WWOX: variants seen among roughly 807,000 people sequenced by gnomAD.
WWOX encodes the protein WW domain-containing oxidoreductase.
A neutral mutation model predicts 46.2 loss-of-function variants in WWOX; 69 were observed. The ratio of observed to expected loss-of-function variants is 1.49; its 90% CI spans 1.23 to 1.82. WWOX has a LOEUF of 1.82. Among genes scored for constraint, WWOX ranks in the 40% most tolerant of loss-of-function variants. The probability of loss-of-function intolerance (pLI) is 0.00; values close to 1 mark genes in which losing one functional copy is unlikely to be tolerated. For missense variants in WWOX, 919 were observed against 542.6 expected, an observed-to-expected ratio of 1.69 and a Z score of -6.89; for synonymous variants, 359 against 202.6, an observed-to-expected ratio of 1.77 and a Z score of -6.56.
At chr16:78,104,516 C>T (rs1053591705) in intron 1 of WWOX, among the ~76,000 whole-genome samples, 2 of 152,048 alleles carry the variant, frequency 1.3e-5, no homozygotes, top group Admixed American at 6.6e-5. Flanking sequence ...AAAAAATTAA[C>T]AGAAAACACC....
intron 8 of WWOX, among the ~76,000 whole-genome samples, chr16:78,799,465 G>C (rs1445009158): frequency 2.6e-5 from 4 of 152,188 alleles, no homozygotes; most frequent in Non-Finnish European, 5.9e-5. Flanking sequence ...CAGGGATAGA[G>C]TCTCAAAGTT....
Position 78,189,223 on chromosome 16 carries a change from T to C in WWOX, c.516+24934T>C, listed in dbSNP as rs796752713. On this transcript the variant is annotated intron_variant, in intron 5 of 8. Coordinates refer to ENST00000566780, the MANE Select transcript of WWOX (RefSeq NM_016373.4). ...AGAGGTGGCGTGGGCATGGGGCACATTGTGACAAGTTAACAGCAAGATCTT... is the reference window on the plus strand; with the variant it reads ...AGAGGTGGCGTGGGCATGGGGCACACTGTGACAAGTTAACAGCAAGATCTT... Among the ~76,000 whole-genome samples, 3 of 152,278 alleles carry C rather than the reference T, an allele frequency of 2.0e-5. No individual in the cohort carries two copies. In the South Asian group the frequency reaches 6.2e-4, roughly 32 times the overall value.
At chr16:79,040,062 T>G (rs2047941079) in intron 8 of WWOX, among the ~76,000 whole-genome samples, 1 of 152,196 alleles carries the variant, frequency 6.6e-6, no homozygotes, top group African/African-American at 2.4e-5. Context: ...CCTCAGTGTT[T>G]CCATCTATAA....
At chr16:78,938,871 C>G (rs944042607) in intron 8 of WWOX, among the ~76,000 whole-genome samples, 19 of 152,140 alleles carry the variant, frequency 1.2e-4, no homozygotes, top group African/African-American at 4.6e-4. Context: ...GAAGGCTGAG[C>G]TGCCAGGGCC....
intron 8 of WWOX, among the ~76,000 whole-genome samples, chr16:78,607,099 A>G (rs940887670): frequency 1.5e-4 from 23 of 152,268 alleles, no homozygotes; most frequent in Admixed American, 1.4e-3. Flanking sequence ...CAGAAATGGA[A>G]TGATTCAGAT....
intron 8 of WWOX, among the ~76,000 whole-genome samples, chr16:78,772,530 G>C (rs547189084): frequency 6.6e-6 from 1 of 152,184 alleles, no homozygotes; most frequent in Non-Finnish European, 1.5e-5. Flanking sequence ...GATGACTTCT[G>C]GGTTCTGCAG....
At chr16:78,231,987 T>TACTAA (rs1233908466) in intron 5 of WWOX, among the ~76,000 whole-genome samples, 1 of 152,218 alleles carries the variant, frequency 6.6e-6, no homozygotes, top group Admixed American at 6.5e-5. Context: ...TTAAGCCCTT[T>TACTAA]ACTAAGTTCC....
At position 78,107,764 on chromosome 16, in the gene WWOX, G is replaced by T. The variant is rs1243911562; in HGVS notation, c.108-659G>T. Reference sequence around the variant, plus strand: ...ATAGGAGGGTTACTTGAGTCCAGGAGTTCCAGTCCAGCCTGGGCAACATAG... The same window carrying T: ...ATAGGAGGGTTACTTGAGTCCAGGATTTCCAGTCCAGCCTGGGCAACATAG... On this transcript the variant is annotated intron_variant, in intron 1 of 8. Coordinates refer to ENST00000566780, the MANE Select transcript of WWOX (RefSeq NM_016373.4). Among the ~76,000 whole-genome samples the T allele has an allele frequency of 3.3e-5, 5 of 152,130 alleles. No homozygotes were observed. In the East Asian group the frequency reaches 9.6e-4, roughly 29 times the overall value.
At chr16:78,657,140 C>T (rs1400544305) in intron 8 of WWOX, among the ~76,000 whole-genome samples, 1 of 152,176 alleles carries the variant, frequency 6.6e-6, no homozygotes, top group Non-Finnish European at 1.5e-5. Flanking sequence ...GCGTCACCTT[C>T]ACCACCACCC....
intron 8 of WWOX, among the ~76,000 whole-genome samples, chr16:79,155,557 A>G (rs1342226132): frequency 6.6e-6 from 1 of 152,116 alleles, no homozygotes; most frequent in East Asian, 1.9e-4. Flanking sequence ...GAAAAACTAC[A>G]TGGTTGGCTG....
chr16:78,856,127 G>T (rs886602404), intron 8 of WWOX, among the ~76,000 whole-genome samples: 1 of 152,208 alleles, frequency 6.6e-6, no homozygotes, highest in African/African-American at 2.4e-5. Flanking sequence ...CATAGGAAAG[G>T]AGTTCAGGGT....
intron 8 of WWOX, among the ~76,000 whole-genome samples, chr16:79,091,943 G>A (rs576557836): frequency 6.6e-6 from 1 of 151,762 alleles, no homozygotes; most frequent in Admixed American, 6.6e-5. Context: ...ACCACGCCCA[G>A]CTAATTTTTG....
At chr16:78,655,605 C>A (rs1369696100) in intron 8 of WWOX, among the ~76,000 whole-genome samples, 1 of 150,962 alleles carries the variant, frequency 6.6e-6, no homozygotes, top group African/African-American at 2.4e-5. Context: ...GTTTTAACTA[C>A]AAAATGGAAC....
intron 8 of WWOX, among the ~76,000 whole-genome samples, chr16:78,491,949 A>C (rs2151462625): frequency 6.6e-6 from 1 of 152,212 alleles, no homozygotes; most frequent in East Asian, 1.9e-4. Flanking sequence ...TTGTTGATGG[A>C]CATCTTCACC....
At chr16:78,592,475 C>G (rs1039770592) in intron 8 of WWOX, among the ~76,000 whole-genome samples, 21 of 152,160 alleles carry the variant, frequency 1.4e-4, no homozygotes, top group African/African-American at 4.1e-4. Context: ...CCATAGGACG[C>G]AGAGTTATTC....
At chr16:78,691,378 T>C (rs2142266201) in intron 8 of WWOX, 1 of 683,406 alleles carries the variant, frequency 1.5e-6, no homozygotes, top group East Asian at 2.7e-5. Flanking sequence ...AAAGGAAATC[T>C]CCTAAGTTGG....
intron 4 of WWOX, among the ~76,000 whole-genome samples, chr16:78,163,426 G>A (rs189190426): frequency 7.2e-4 from 109 of 152,274 alleles, no homozygotes; most frequent in African/African-American, 2.4e-3. Flanking sequence ...CTTTCCTGGT[G>A]GGTCCTGAGC....
chr16:78,351,662 T>C (rs2081186660), intron 5 of WWOX, among the ~76,000 whole-genome samples: 1 of 152,150 alleles, frequency 6.6e-6, no homozygotes, highest in South Asian at 2.1e-4. Context: ...GCATGTGTTT[T>C]TTGTTAGTTT....
At chr16:78,114,269 T>C (rs969903318) in intron 3 of WWOX, among the ~76,000 whole-genome samples, 12 of 152,048 alleles carry the variant, frequency 7.9e-5, no homozygotes, top group African/African-American at 2.9e-4. Flanking sequence ...CTTGAAATTT[T>C]GTTTAGTGTT....
Sources: gnomAD v4.1 joint callset for allele counts (sites outside exome capture counted in the v4.1 genomes callset) on GRCh38, gnomAD v4.1.1 for gene constraint, MANE v1.5 for transcripts, NCBI Gene and HGNC (gene_info 2026-07-23, HGNC 2026-07-21) for gene names.